Variants in CIMIP5 observed in about 807,000 individuals in gnomAD.
CIMIP5 encodes the protein uncharacterized protein C2orf50.
the CIMIP5 span, chr2:11,133,725 G>A: frequency 1.0e-5 from 14 of 1,379,838 alleles, no homozygotes; most frequent in African/African-American, 1.9e-4. Flanking sequence ...CCGGGGGAAG[G>A]TGGGTCACCA....
chr2:11,143,154 T>A, the CIMIP5 span, among the ~76,000 whole-genome samples: 2 of 152,148 alleles, frequency 1.3e-5, no homozygotes, highest in Non-Finnish European at 2.9e-5. Flanking sequence ...GGTGAATAAC[T>A]TGTGTGATAT....
chr2:11,134,687 GTTTC>G, the CIMIP5 span, among the ~76,000 whole-genome samples: 8 of 152,180 alleles, frequency 5.3e-5, no homozygotes, highest in East Asian at 1.2e-3. Flanking sequence ...TATGTGTGCA[GTTTC>G]TTTATTCATT....
At chr2:11,153,752 C>T in the CIMIP5 span, among the ~76,000 whole-genome samples, 1 of 151,994 alleles carries the variant, frequency 6.6e-6, no homozygotes, top group Non-Finnish European at 1.5e-5. Context: ...TTCGAAACCC[C>T]GTCTGTACTA....
At chr2:11,144,235 C>G in the CIMIP5 span, 2 of 740,200 alleles carry the variant, frequency 2.7e-6, no homozygotes, top group Admixed American at 7.4e-5. Context: ...CTGTAAGCTG[C>G]AGGACACTCT....
At chr2:11,140,184 G>A in the CIMIP5 span, among the ~76,000 whole-genome samples, 1 of 150,480 alleles carries the variant, frequency 6.6e-6, no homozygotes, top group African/African-American at 2.5e-5. Context: ...TCAGGAGATC[G>A]AGACCACGGT....
the CIMIP5 span, among the ~76,000 whole-genome samples, chr2:11,146,306 T>C: frequency 1.3e-5 from 2 of 152,180 alleles, no homozygotes; most frequent in Admixed American, 6.5e-5. Flanking sequence ...TGGCAAGTGG[T>C]GAAGCTGGGG....
the CIMIP5 span, among the ~76,000 whole-genome samples, chr2:11,148,118 A>AATTT: frequency 2.8e-5 from 4 of 143,092 alleles, no homozygotes; most frequent in African/African-American, 1.0e-4. Flanking sequence ...CTTGCTTCAC[A>AATTT]TTTTTTTTTT....
the CIMIP5 span, among the ~76,000 whole-genome samples, chr2:11,153,828 G>A: frequency 1.3e-5 from 2 of 151,438 alleles, no homozygotes; most frequent in African/African-American, 4.9e-5. Flanking sequence ...GGAGGCAGAG[G>A]CAGGAGAATC....
At chr2:11,144,642 T>G in the CIMIP5 span, 25,150 of 152,084 alleles carry the variant, frequency 0.17, 6,022 homozygotes, top group African/African-American at 0.53. Context: ...CTTTTAGGAG[T>G]ATCTGGGGAA....
chr2:11,144,221 CTG>C, the CIMIP5 span: 1 of 907,496 alleles, frequency 1.1e-6, no homozygotes, highest in Non-Finnish European at 1.6e-6. Flanking sequence ...TGGGTCTGCA[CTG>C]TCTGTAAGCT....
the CIMIP5 span, among the ~76,000 whole-genome samples, chr2:11,154,402 G>A: frequency 6.6e-6 from 1 of 152,188 alleles, no homozygotes; most frequent in South Asian, 2.1e-4. Flanking sequence ...GAGAGAAAGA[G>A]CCTCGGCCAG....
At chr2:11,153,863 G>A in the CIMIP5 span, among the ~76,000 whole-genome samples, 6 of 150,154 alleles carry the variant, frequency 4.0e-5, no homozygotes, top group African/African-American at 1.2e-4. Flanking sequence ...GGTGGAGGTC[G>A]CAGTGAGCAG....
the CIMIP5 span, chr2:11,146,423 T>G: frequency 6.6e-6 from 1 of 152,130 alleles, no homozygotes; most frequent in East Asian, 1.9e-4. Context: ...ATTTAGCAAA[T>G]TACAGGATTT....
chr2:11,133,214 C>T, the CIMIP5 span: 3 of 1,263,966 alleles, frequency 2.4e-6, no homozygotes, highest in Non-Finnish European at 3.1e-6. Context: ...GGACCCTGCC[C>T]AGGCTCTCCC....
At chr2:11,146,378 G>T in the CIMIP5 span, among the ~76,000 whole-genome samples, 1 of 152,114 alleles carries the variant, frequency 6.6e-6, no homozygotes, top group South Asian at 2.1e-4. Flanking sequence ...TGCTATATGG[G>T]TCCCCTTTAA....
At chr2:11,149,822 T>C in the CIMIP5 span, among the ~76,000 whole-genome samples, 1 of 152,164 alleles carries the variant, frequency 6.6e-6, no homozygotes, top group African/African-American at 2.4e-5. Context: ...GGATCCTGGG[T>C]GAAAGCAAAA....
the CIMIP5 span, among the ~76,000 whole-genome samples, chr2:11,148,900 AT>A: frequency 1.3e-5 from 2 of 151,652 alleles, no homozygotes; most frequent in Non-Finnish European, 2.9e-5. Flanking sequence ...TGCCTGGCTA[AT>A]TTTTGTATTT....
chr2:11,139,995 G>A, the CIMIP5 span, among the ~76,000 whole-genome samples: 29 of 151,440 alleles, frequency 1.9e-4, no homozygotes, highest in Admixed American at 4.6e-4. Flanking sequence ...GCTGAGACAG[G>A]GGAATTGCTT....
chr2:11,143,899 CGAG>C, the CIMIP5 span: 1 of 1,539,622 alleles, frequency 6.5e-7, no homozygotes, highest in Non-Finnish European at 8.8e-7. Flanking sequence ...CTGTGTGACC[CGAG>C]CTGTCCCCTC....
Sources: gnomAD v4.1 joint callset for allele counts (sites outside exome capture counted in the v4.1 genomes callset) on GRCh38, gnomAD v4.1.1 for gene constraint, MANE v1.5 for transcripts, NCBI Gene and HGNC (gene_info 2026-07-23, HGNC 2026-07-21) for gene names.